The following WWOX variants were observed in gnomAD, a reference collection of about 807,000 sequenced individuals.
The protein encoded by WWOX is WW domain-containing oxidoreductase.
In WWOX, 69 loss-of-function variants were observed where a neutral mutation model predicts 46.2. The ratio of observed to expected loss-of-function variants is 1.49; its 90% CI spans 1.23 to 1.82. The LOEUF (loss-of-function observed/expected upper bound fraction) is 1.82. Among genes scored for constraint, WWOX ranks in the 40% most tolerant of loss-of-function variants. The pLI is 0.00. For synonymous variants in WWOX, 359 were observed against 202.6 expected, an observed-to-expected ratio of 1.77 and a Z score of -6.56; for missense variants, 919 against 542.6, an observed-to-expected ratio of 1.69 and a Z score of -6.89.
At position 78,424,861 on chromosome 16, in the gene WWOX, A is replaced by T. The variant is rs370129950; in HGVS notation, c.606-9A>T. 1 of 1,613,874 alleles carries T rather than the reference A, an allele frequency of 6.2e-7. No homozygotes were observed. Among genetic ancestry groups the T allele is most frequent in the Non-Finnish European group, 8.5e-7 (1 of 1,179,942 alleles). ...ATGTCCACATCACATGGGATATTTT[A>T]TTTTTCAGGCCTCTTCATGTGCTTG... On this transcript the variant is annotated splice_polypyrimidine_tract_variant and intron_variant, in intron 6 of 8. Transcript: ENST00000566780.
At chr16:78,292,945 T>C (rs1308407413) in intron 5 of WWOX, among the ~76,000 whole-genome samples, 2 of 152,206 alleles carry the variant, frequency 1.3e-5, no homozygotes, top group African/African-American at 4.8e-5. Flanking sequence ...CACAGCCTCA[T>C]GGAGACACCT....
At chr16:78,419,546 G>A (rs1045243516) in intron 6 of WWOX, among the ~76,000 whole-genome samples, 1 of 142,538 alleles carries the variant, frequency 7.0e-6, no homozygotes, top group African/African-American at 2.6e-5. Context: ...TTTCAACAGT[G>A]ATGCTAGAAC....
chr16:78,384,305 A>AG (rs1227771459), intron 5 of WWOX, among the ~76,000 whole-genome samples: 1 of 152,180 alleles, frequency 6.6e-6, no homozygotes, highest in East Asian at 1.9e-4. Flanking sequence ...AAGTAAAACG[A>AG]GGCAGGGACC....
intron 8 of WWOX, among the ~76,000 whole-genome samples, chr16:78,850,268 T>G (rs146359454): frequency 6.6e-6 from 1 of 152,160 alleles, no homozygotes; most frequent in East Asian, 1.9e-4. Flanking sequence ...GGTCAGTATT[T>G]GGTTAACCCA....
chr16:78,758,943 A>AC (rs1276527865), intron 8 of WWOX, among the ~76,000 whole-genome samples: 1 of 151,780 alleles, frequency 6.6e-6, no homozygotes, highest in African/African-American at 2.4e-5. Flanking sequence ...AAGACAAAAA[A>AC]AAAAAAAACA....
intron 8 of WWOX, among the ~76,000 whole-genome samples, chr16:78,817,580 CCTCTCG>C (rs2051369391): frequency 6.6e-6 from 1 of 152,180 alleles, no homozygotes; most frequent in South Asian, 2.1e-4. Context: ...GGCTACAAAA[CCTCTCG>C]CTTGGAGCCA....
chr16:78,982,420 C>G (rs2046700825), intron 8 of WWOX, among the ~76,000 whole-genome samples: 1 of 152,144 alleles, frequency 6.6e-6, no homozygotes, highest in Non-Finnish European at 1.5e-5. Flanking sequence ...CTGGCCCCAA[C>G]CAATTAAATA....
At chr16:79,068,613 A>C (rs924266862) in intron 8 of WWOX, among the ~76,000 whole-genome samples, 1 of 151,808 alleles carries the variant, frequency 6.6e-6, no homozygotes, top group Non-Finnish European at 1.5e-5. Flanking sequence ...AGACCTGGGC[A>C]ACATGGTGAG....
intron 8 of WWOX, among the ~76,000 whole-genome samples, chr16:78,762,075 A>G (rs1334607180): frequency 6.6e-6 from 1 of 152,170 alleles, no homozygotes; most frequent in East Asian, 1.9e-4. Flanking sequence ...TGGCCTTTTC[A>G]CTGAAGTTCT....
At chr16:78,975,447 G>C (rs2046552293) in intron 8 of WWOX, among the ~76,000 whole-genome samples, 1 of 151,642 alleles carries the variant, frequency 6.6e-6, no homozygotes, top group Admixed American at 6.6e-5. Context: ...TGGCCTAGAG[G>C]GTTCCCCAAC....
chr16:79,142,021 C>G (rs1320418394), intron 8 of WWOX, among the ~76,000 whole-genome samples: 1 of 152,176 alleles, frequency 6.6e-6, no homozygotes. Flanking sequence ...GCAGTAAGGA[C>G]AGGATGGGGC....
chr16:78,539,914 A>G (rs1597234581), intron 8 of WWOX, among the ~76,000 whole-genome samples: 1 of 152,114 alleles, frequency 6.6e-6, no homozygotes, highest in Admixed American at 6.6e-5. Flanking sequence ...ACATATTTAT[A>G]AAACCACACT....
chr16:78,221,756 C>T (rs1297273731), intron 5 of WWOX, among the ~76,000 whole-genome samples: 1 of 152,180 alleles, frequency 6.6e-6, no homozygotes, highest in Non-Finnish European at 1.5e-5. Flanking sequence ...ACCATCCATT[C>T]ATGTGTAATC....
intron 8 of WWOX, among the ~76,000 whole-genome samples, chr16:78,488,472 C>T (rs1258003093): frequency 6.6e-6 from 1 of 152,078 alleles, no homozygotes; most frequent in African/African-American, 2.4e-5. Context: ...CCTGAGATTC[C>T]CTCTTTAAGG....
chr16:79,022,494 T>C (rs1348338763), intron 8 of WWOX, among the ~76,000 whole-genome samples: 1 of 152,086 alleles, frequency 6.6e-6, no homozygotes, highest in Admixed American at 6.5e-5. Flanking sequence ...TCGGAGGAGC[T>C]GAGTCCCATT....
At chr16:78,677,167 C>G (rs1326293172) in intron 8 of WWOX, among the ~76,000 whole-genome samples, 1 of 152,000 alleles carries the variant, frequency 6.6e-6, no homozygotes. Flanking sequence ...CTTGCTGTCC[C>G]CTGGGCAGGT....
chr16:78,276,631 C>T (rs1475485295), intron 5 of WWOX, among the ~76,000 whole-genome samples: 1 of 152,144 alleles, frequency 6.6e-6, no homozygotes, highest in African/African-American at 2.4e-5. Context: ...ATTGGGATCG[C>T]ATGGAGAAAA....
intron 8 of WWOX, among the ~76,000 whole-genome samples, chr16:78,685,905 A>G (rs1298629621): frequency 4.7e-5 from 7 of 149,042 alleles, no homozygotes; most frequent in African/African-American, 1.7e-4. Context: ...AAAAAACAAA[A>G]AAGAAAAAGA....
chr16:79,004,249 G>A (rs1232206561), intron 8 of WWOX: 1 of 152,164 alleles, frequency 6.6e-6, no homozygotes, highest in African/African-American at 2.4e-5. Flanking sequence ...GCGCTGCACG[G>A]GGAATTCTGG....
Sources: gnomAD v4.1 joint callset for allele counts (sites outside exome capture counted in the v4.1 genomes callset) on GRCh38, gnomAD v4.1.1 for gene constraint, MANE v1.5 for transcripts, NCBI Gene and HGNC (gene_info 2026-07-23, HGNC 2026-07-21) for gene names.